MTMR3: variants seen among roughly 807,000 people sequenced by gnomAD.
The protein encoded by MTMR3 is phosphatidylinositol-3,5-bisphosphate 3-phosphatase MTMR3.
A neutral mutation model predicts 132.4 loss-of-function variants in MTMR3; 32 were observed. That is an observed-to-expected ratio of 0.24 (90% CI 0.18 to 0.32). The LOEUF (loss-of-function observed/expected upper bound fraction) is 0.32. MTMR3 is among the 10% of genes least tolerant of loss of function. The probability of loss-of-function intolerance (pLI) is 1.00; values close to 1 mark genes in which losing one functional copy is unlikely to be tolerated. For synonymous variants in MTMR3, 556 were observed against 550.3 expected, an observed-to-expected ratio of 1.01 and a Z score of -0.14; for missense variants, 1,216 against 1,489.6, an observed-to-expected ratio of 0.82 and a Z score of 3.02.
chr22:29,952,901 A>C (rs1237552572), intron 1 of MTMR3, among the ~76,000 whole-genome samples: 2 of 152,334 alleles, frequency 1.3e-5, no homozygotes, highest in Admixed American at 6.5e-5. Context: ...AGTTTCTGAT[A>C]TGTGAAAAGT....
intron 1 of MTMR3, among the ~76,000 whole-genome samples, chr22:29,906,865 G>T (rs559962657): frequency 7.2e-4 from 109 of 151,890 alleles, no homozygotes; most frequent in Admixed American, 1.0e-3. Context: ...ATCACTTGAG[G>T]CCAGGAGTTC....
chr22:29,997,437 A>G (rs1474047589), intron 7 of MTMR3: 1 of 152,228 alleles, frequency 6.6e-6, no homozygotes, highest in East Asian at 1.9e-4. Flanking sequence ...TTATTTTACA[A>G]CCTGTACCAC....
Position 30,016,654 on chromosome 22 carries a change from A to C in MTMR3, c.1630A>C (p.Asn544His). The C allele has an allele frequency of 1.9e-6, 3 of 1,614,212 alleles. No individual in the cohort carries two copies. Among genetic ancestry groups the C allele is most frequent in the Non-Finnish European group, 2.5e-6 (3 of 1,180,034 alleles). The change falls in exon 15 of 20, where the codon AAC (asparagine) becomes CAC (histidine). Residue 544 changes from asparagine to histidine, a missense_variant. By Grantham distance (68) the Asn-to-His change is moderately conservative (BLOSUM62 1). Coordinates refer to ENST00000401950, the MANE Select transcript of MTMR3 (RefSeq NM_021090.4). ...CSVWSLLRAG[N>H]KAFKNLLYSS... ...CGTGTGGTCACTTCTTCGGGCAGGCAACAAGGCTTTCAAAAACCTACTGTA... is the reference window on the plus strand; with the variant it reads ...CGTGTGGTCACTTCTTCGGGCAGGCCACAAGGCTTTCAAAAACCTACTGTA...
At chr22:29,893,930 C>G (rs1602416436) in intron 1 of MTMR3, among the ~76,000 whole-genome samples, 1 of 152,272 alleles carries the variant, frequency 6.6e-6, no homozygotes, top group Middle Eastern at 3.4e-3. Context: ...ACTGCAACCT[C>G]CACCTCTTGG....
At chr22:30,013,236 AG>A in intron 13 of MTMR3, 119 bp from the exon 14 acceptor site, 1 of 995,640 alleles carries the variant, frequency 1.0e-6, no homozygotes, top group Non-Finnish European at 1.5e-6. Context: ...CCAAAGGGCA[AG>A]GCCGGGTGGG....
intron 17 of MTMR3, chr22:30,021,774 C>G (rs1161182878): frequency 2.2e-6 from 1 of 449,776 alleles, no homozygotes; most frequent in African/African-American, 2.0e-5. Context: ...CTCTCACTCA[C>G]TTTCTGGAAC....
intron 2 of MTMR3, among the ~76,000 whole-genome samples, chr22:29,959,916 G>C (rs994328917): frequency 6.6e-6 from 1 of 151,678 alleles, no homozygotes; most frequent in Non-Finnish European, 1.5e-5. Context: ...GTACCACCTT[G>C]CTAGGCTAAT....
intron 7 of MTMR3, chr22:29,997,503 G>A (rs2067085307): frequency 6.6e-6 from 1 of 152,206 alleles, no homozygotes; most frequent in Admixed American, 6.5e-5. Context: ...CCCTAGGACT[G>A]TGTATGTTTT....
intron 1 of MTMR3, among the ~76,000 whole-genome samples, chr22:29,930,159 C>A (rs1342760440): frequency 6.6e-6 from 1 of 152,140 alleles, no homozygotes. Flanking sequence ...TTGTCTACAA[C>A]AAAATTCACT....
chr22:29,927,399 TAGAA>T (rs954963908), intron 1 of MTMR3, among the ~76,000 whole-genome samples: 12 of 152,228 alleles, frequency 7.9e-5, no homozygotes, highest in African/African-American at 1.7e-4. Flanking sequence ...AGCTCACTGA[TAGAA>T]AGATTGCATT....
chr22:29,949,692 C>T lies in MTMR3; in HGVS notation c.-137-7344C>T, dbSNP rs557528065. 3.3e-5 allele frequency among the ~76,000 whole-genome samples: 5 copies of T among 151,830 alleles called. No individual in the cohort carries two copies. In the South Asian group the frequency reaches 8.3e-4, roughly 25 times the overall value. On this transcript the variant is annotated intron_variant, in intron 1 of 19. Transcript: ENST00000401950. The stretch of plus-strand genomic sequence containing the variant: ...ACCTGTTTTTAAAACTACTCCTCTT[C>T]GTGGAGATTGATTATTTTGGGTCTT...
At chr22:29,911,347 C>G (rs2065208431) in intron 1 of MTMR3, among the ~76,000 whole-genome samples, 1 of 151,982 alleles carries the variant, frequency 6.6e-6, no homozygotes. Context: ...AGTTGGAGAC[C>G]AGCCTGGGCA....
At chr22:30,012,242 G>T in intron 12 of MTMR3, 126 bp from the exon 13 acceptor site, 3 of 981,000 alleles carry the variant, frequency 3.1e-6, no homozygotes, top group Admixed American at 2.7e-5. Context: ...AGATTTTTTT[G>T]TTTTGGCAGT....
At chr22:29,944,439 TA>T (rs2065916630) in intron 1 of MTMR3, among the ~76,000 whole-genome samples, 1 of 152,088 alleles carries the variant, frequency 6.6e-6, no homozygotes, top group African/African-American at 2.4e-5. Context: ...ATGTTTTTGA[TA>T]ATAGGGGAAA....
rs1302819082 is a variant in MTMR3 at position 29,988,469 on chromosome 22, T to A, written c.211-11T>A. On this transcript the variant is annotated splice_polypyrimidine_tract_variant and intron_variant, in intron 5 of 19. Coordinates refer to ENST00000401950, the MANE Select transcript of MTMR3 (RefSeq NM_021090.4). Reference sequence around the variant, plus strand: ...TTTGACTAAGAGGACTTCATTTTTTTAAAATTGCAGGTTCCATTACAGCTT... The same window carrying A: ...TTTGACTAAGAGGACTTCATTTTTTAAAAATTGCAGGTTCCATTACAGCTT... 6.2e-7 allele frequency: 1 copy of A among 1,604,556 alleles called. No homozygotes were observed.
chr22:29,993,997 G>A, intron 7 of MTMR3: 1 of 411,586 alleles, frequency 2.4e-6, no homozygotes, highest in Non-Finnish European at 3.3e-6. Flanking sequence ...TGCTCTCTGT[G>A]CTTTAGTTTC....
intron 2 of MTMR3, among the ~76,000 whole-genome samples, chr22:29,969,267 T>C (rs1044770697): frequency 6.6e-6 from 1 of 152,202 alleles, no homozygotes; most frequent in Non-Finnish European, 1.5e-5. Context: ...AAATAGAAAA[T>C]CCTTGCTTCC....
At chr22:29,931,028 A>C (rs531079642) in intron 1 of MTMR3, among the ~76,000 whole-genome samples, 29 of 151,990 alleles carry the variant, frequency 1.9e-4, no homozygotes, top group African/African-American at 6.5e-4. Flanking sequence ...AAAAAAAAAA[A>C]AAAACTTAAA....
chr22:29,931,295 G>A (rs558136974), intron 1 of MTMR3, among the ~76,000 whole-genome samples: 22 of 152,162 alleles, frequency 1.4e-4, no homozygotes, highest in African/African-American at 5.1e-4. Flanking sequence ...TTAGTTTCAT[G>A]GTACTGTTAA....
Sources: gnomAD v4.1 joint callset for allele counts (sites outside exome capture counted in the v4.1 genomes callset) on GRCh38, gnomAD v4.1.1 for gene constraint, MANE v1.5 for transcripts, NCBI Gene and HGNC (gene_info 2026-07-23, HGNC 2026-07-21) for gene names.